TTN: variants seen among roughly 807,000 people sequenced by gnomAD.
The protein encoded by TTN is titin.
A neutral mutation model predicts 3,223.0 loss-of-function variants in TTN; 1,525 were observed. The observed-to-expected ratio is 0.47, with a 90% CI of 0.45 to 0.49. The LOEUF (loss-of-function observed/expected upper bound fraction) is 0.49, where lower values mean the gene tolerates loss of function less well. Ranked by LOEUF, TTN falls within the 20% of genes least tolerant of loss-of-function variation. The pLI, the probability that TTN is intolerant of heterozygous loss-of-function variation, is 0.00. For missense variants in TTN, 40,786 were observed against 43,424.0 expected, an observed-to-expected ratio of 0.94 and a Z score of 5.40; for synonymous variants, 14,094 against 15,161.0, an observed-to-expected ratio of 0.93 and a Z score of 5.17.
chr2:178,704,761 T>G lies in TTN; in HGVS notation c.29711A>C (p.Lys9904Thr). The G allele has an allele frequency of 6.2e-7, 1 of 1,609,974 alleles. No homozygotes were observed. Among genetic ancestry groups the G allele is most frequent in the Non-Finnish European group, 8.5e-7 (1 of 1,179,162 alleles). ...CAAAACTGTCTGATTTTCAATGTCC[T>G]TGATCAGAGTGACAGGCTAGGAGAA... ...LSQTEPVTLI[K>T]DIENQTVLKD... The change falls in exon 105 of 363, where the codon AAG becomes ACG. Residue 9904 changes from lysine (K) to threonine (T), a missense_variant. Lys to Thr is a moderately conservative substitution (Grantham distance 78). Coordinates refer to ENST00000589042, the MANE Select transcript of TTN (RefSeq NM_001267550.2).
rs1488357017 is a variant in TTN, at chr2:178,572,688, T to C, written c.73444A>G (p.Thr24482Ala). Reference sequence around the variant, plus strand: ...TTTACATTTCCAACAATAAGCAGGGTGTAAGAGCTTGTGGATTCGATGCTA... The same window carrying C: ...TTTACATTTCCAACAATAAGCAGGGCGTAAGAGCTTGTGGATTCGATGCTA... ...KASIESTSSYTLLIVGNVNRF... is the reference protein window; with the variant it reads ...KASIESTSSYALLIVGNVNRF... Residue 24482 changes from threonine to alanine, a missense_variant, in exon 326 of 363, where the codon ACC becomes GCC. Thr to Ala is a moderately conservative substitution (Grantham distance 58). Transcript: ENST00000589042. 6.2e-7 allele frequency: 1 copy of C among 1,613,402 alleles called. No homozygotes were observed. The highest frequency in any genetic ancestry group is 8.5e-7 in the Non-Finnish European group (1 of 1,179,562).
In TTN at chr2:178,719,209, T is replaced by C; in HGVS notation, c.24181A>G (p.Asn8061Asp). The C allele has an allele frequency of 6.2e-7, 1 of 1,613,720 alleles. No individual in the cohort carries two copies. Among genetic ancestry groups the C allele is most frequent in the Non-Finnish European group, 8.5e-7 (1 of 1,179,726 alleles). ...GAGCACTCATCGGAACCAGCTACAT[T>C]GGCAGCCACACACGTGTATATGCCT... is the stretch of plus-strand genomic sequence containing the variant. ...DTGIYTCVAA[N>D]VAGSDECSAV... Residue 8061 changes from asparagine (N) to aspartate (D), a missense_variant, in exon 83 of 363, where the codon AAT (asparagine) becomes GAT (aspartate). Asn to Asp is a conservative substitution (Grantham distance 23). Coordinates refer to ENST00000589042, the MANE Select transcript of TTN (RefSeq NM_001267550.2).
chr2:178,781,269 T>G lies in TTN; in HGVS notation c.3381-6A>C. 6.2e-7 allele frequency: 1 copy of G among 1,613,854 alleles called. No homozygotes were observed. The highest frequency in any genetic ancestry group is 8.5e-7 in the Non-Finnish European group (1 of 1,179,868). Reference sequence around the variant, plus strand: ...TGTTGTAACTCACTTTGTATCTTTATGTAAATGTACAAAATTTAAAAATCA... The same window carrying G: ...TGTTGTAACTCACTTTGTATCTTTAGGTAAATGTACAAAATTTAAAAATCA... On this transcript the variant is annotated splice_polypyrimidine_tract_variant and splice_region_variant and intron_variant, in intron 20 of 362. Coordinates refer to ENST00000589042, the MANE Select transcript of TTN (RefSeq NM_001267550.2).
chr2:178,534,215 C>T lies in TTN; in HGVS notation c.102400G>A (p.Glu34134Lys), dbSNP rs1690433095. 4 of 1,613,852 alleles carry T rather than the reference C, an allele frequency of 2.5e-6. No individual in the cohort carries two copies. The East Asian group carries it at 8.9e-5, about 36-fold the overall frequency. The stretch of plus-strand genomic sequence containing the variant: ...ATCTGCCCAGAAACTGGGCCAATTT[C>T]AATGGATGCCACTTTAACTTTAGCA... ...SVAKVKVASI[E>K]IGPVSGQIMH... Residue 34134 changes from glutamate (E) to lysine (K), a missense_variant, in exon 358 of 363, where the codon GAA becomes AAA. Glu to Lys is a moderately conservative substitution (Grantham distance 56). Coordinates refer to ENST00000589042, the MANE Select transcript of TTN (RefSeq NM_001267550.2).
At chr2:178,725,118 T>C (rs890178217) in intron 71 of TTN, 2 of 379,332 alleles carry the variant, frequency 5.3e-6, no homozygotes, top group African/African-American at 2.1e-5. Flanking sequence ...TCAAAGAGAG[T>C]CATGATTGTA....
Position 178,711,142 on chromosome 2 carries a change from C to T in TTN, c.28094G>A (p.Arg9365Gln), listed in dbSNP as rs570608843. ...GCAGGAATACTGGCCTGCAAGGCTC[C>T]GGTCAGTTTTAAAAATATTGAGTGT... ...TATLNIFKTDRSLAGQYSCTA... is the reference protein window; with the variant it reads ...TATLNIFKTDQSLAGQYSCTA... The change falls in exon 97 of 363, where the codon CGG (arginine) becomes CAG (glutamine). Residue 9365 changes from arginine (R) to glutamine (Q), a missense_variant. Coordinates refer to ENST00000589042, the MANE Select transcript of TTN (RefSeq NM_001267550.2). 116 of 1,613,760 alleles carry T rather than the reference C, an allele frequency of 7.2e-5. No homozygotes were observed. The highest frequency in any genetic ancestry group is 1.2e-4 in the Admixed American group (7 of 59,996).
chr2:178,790,868 G>T, intron 10 of TTN, 23 bp from the exon 11 acceptor site: 1 of 1,613,436 alleles, frequency 6.2e-7, no homozygotes, highest in Non-Finnish European at 8.5e-7. Flanking sequence ...GTAAAATAAA[G>T]ATTTGAGTTT....
intron 294 of TTN, 118 bp downstream of exon 294, chr2:178,597,420 T>C: frequency 8.4e-7 from 1 of 1,196,220 alleles, no homozygotes; most frequent in Non-Finnish European, 1.2e-6. Flanking sequence ...TCAACATGAT[T>C]ATGGGTGATT....
At chr2:178,642,785 T>A (rs2061410287) in intron 218 of TTN, among the ~76,000 whole-genome samples, 1 of 152,000 alleles carries the variant, frequency 6.6e-6, no homozygotes. Context: ...TTTGTGACTT[T>A]GATGCTGGGG....
rs1187950337 is a variant in TTN, at chr2:178,709,617, C to A, written c.28702G>T (p.Val9568Leu). 6.2e-7 allele frequency: 1 copy of A among 1,613,908 alleles called. No homozygotes were observed. The highest frequency in any genetic ancestry group is 8.5e-7 in the Non-Finnish European group (1 of 1,179,806). ...AGAGCAGAGCCTGCATCATTGGACA[C>A]TTTGCATGTGTACAAACCAGCGTCG... is the stretch of plus-strand genomic sequence containing the variant. ...MNDAGLYTCKVSNDAGSALCT... is the reference protein window; with the variant it reads ...MNDAGLYTCKLSNDAGSALCT... The change falls in exon 99 of 363, where the codon GTG (valine) becomes TTG (leucine). Residue 9568 changes from valine (V) to leucine (L), a missense_variant. Transcript: ENST00000589042.
Position 178,712,533 on chromosome 2 carries a change from A to T in TTN, c.27389T>A (p.Ile9130Asn), listed in dbSNP as rs1316381392. 2.7e-5 allele frequency: 44 copies of T among 1,613,486 alleles called. 1 individual carries two copies. Among genetic ancestry groups the T allele is most frequent in the Non-Finnish European group, 3.6e-5 (43 of 1,179,734 alleles). ...AGTTCCAGTGAATGTACCCTCTAGG[A>T]TCAGGGGTTTTCCTTTCTCTATGCT... ...DYSIEKGKPL[I>N]LEGTFTGTPP... Residue 9130 changes from isoleucine (I) to asparagine (N), a missense_variant, in exon 95 of 363, where the codon ATC becomes AAC. Coordinates refer to ENST00000589042, the MANE Select transcript of TTN (RefSeq NM_001267550.2).
At chr2:178,604,446 A>C (rs563916207) in intron 281 of TTN, 141 bp from the exon 282 acceptor site, 1 of 780,222 alleles carries the variant, frequency 1.3e-6, no homozygotes, top group South Asian at 3.3e-5. Flanking sequence ...AAGACAGAGA[A>C]AAGGAGAAAG....
rs753367347 is a variant in TTN at position 178,768,159 on chromosome 2, G to T, written c.9164-4C>A. 2 of 1,613,928 alleles carry T rather than the reference G, an allele frequency of 1.2e-6. No individual in the cohort carries two copies. The highest frequency in any genetic ancestry group is 1.7e-6 in the Non-Finnish European group (2 of 1,179,940). On this transcript the variant is annotated splice_polypyrimidine_tract_variant and splice_region_variant and intron_variant, in intron 38 of 362. Transcript: ENST00000589042. ...TTCCTAAATTCTATATGACGAGCTGGAAAATAGCATGTAGAAAAATTAACA... is the reference window on the plus strand; with the variant it reads ...TTCCTAAATTCTATATGACGAGCTGTAAAATAGCATGTAGAAAAATTAACA...
In TTN at chr2:178,800,599, CTCTCACTTGGAG is replaced by C; in HGVS notation, c.367_378del (p.Leu123_Arg126del). On this transcript the variant is annotated inframe_deletion, in exon 4 of 363. Coordinates refer to ENST00000589042, the MANE Select transcript of TTN (RefSeq NM_001267550.2). ...ACCACAGGTGTAGGGATTCCAGTCA[CTCTCACTTGGAG>C]TCTCACTTGGCTTCCTTGTCTCACG... The C allele has an allele frequency of 6.2e-7, 1 of 1,613,930 alleles. No individual in the cohort carries two copies. The highest frequency in any genetic ancestry group is 1.7e-5 in the Admixed American group (1 of 60,004).
At chr2:178,612,645 G>T in intron 265 of TTN, 69 bp from the exon 266 acceptor site, 1 of 1,547,646 alleles carries the variant, frequency 6.5e-7, no homozygotes, top group Admixed American at 2.2e-5. Flanking sequence ...TGAAAGTGCA[G>T]GCAGTCATTA....
rs531521230 is a variant in TTN at position 178,784,455 on chromosome 2, A to G, written c.2494-104T>C. ...TATTTTCTATAAGGTCTGTTCTTTA[A>G]TGTTCTCATTAGCACTCATTATCAC... is the stretch of plus-strand genomic sequence containing the variant. On this transcript the variant is annotated intron_variant, in intron 15 of 362. Coordinates refer to ENST00000589042, the MANE Select transcript of TTN (RefSeq NM_001267550.2). The G allele has an allele frequency of 9.3e-5, 130 of 1,395,406 alleles. No homozygotes were observed. The African/African-American group carries it at 1.6e-3, about 17-fold the overall frequency. The allele number at this position is 1,395,406 out of a possible 1,614,324, so 86.4% of individuals were successfully genotyped here.
chr2:178,568,407 T>C lies in TTN; in HGVS notation c.77725A>G (p.Thr25909Ala). 1 of 1,613,188 alleles carries C rather than the reference T, an allele frequency of 6.2e-7. No individual in the cohort carries two copies. Among genetic ancestry groups the C allele is most frequent in the Non-Finnish European group, 8.5e-7 (1 of 1,179,534 alleles). Residue 25909 changes from threonine to alanine, a missense_variant, in exon 326 of 363, where the codon ACA becomes GCA. By Grantham distance (58) the Thr-to-Ala change is moderately conservative (BLOSUM62 0). Coordinates refer to ENST00000589042, the MANE Select transcript of TTN (RefSeq NM_001267550.2). ...KFDDVSAESITLSWNPPLYTG... is the reference protein window; with the variant it reads ...KFDDVSAESIALSWNPPLYTG... The stretch of plus-strand genomic sequence containing the variant: ...TATAATGGAGGGTTCCAAGATAATG[T>C]AATACTTTCAGCACTGACGTCATCA...
chr2:178,742,575 A>G (rs2082687911), intron 47 of TTN, among the ~76,000 whole-genome samples: 1 of 152,166 alleles, frequency 6.6e-6, no homozygotes, highest in African/African-American at 2.4e-5. Flanking sequence ...CAAAAATAAG[A>G]GAAAACAACT....
chr2:178,618,649 C>T lies in TTN; in HGVS notation c.46901G>A (p.Arg15634Lys). 6.2e-7 allele frequency: 1 copy of T among 1,612,312 alleles called. No individual in the cohort carries two copies. ...ILEAKKGDKG[R>K]YKIVLQNKHG... Reference sequence around the variant, plus strand: ...TTTGTTCTGAAGCACAATTTTATACCTCCCTTTGTCTCCTTTCTTGGCTTC... The same window carrying T: ...TTTGTTCTGAAGCACAATTTTATACTTCCCTTTGTCTCCTTTCTTGGCTTC... The change falls in exon 251 of 363, where the codon AGG becomes AAG. Residue 15634 changes from arginine (R) to lysine (K), a missense_variant. Transcript: ENST00000589042.
Sources: allele counts gnomAD v4.1 joint callset (sites outside exome capture counted in the v4.1 genomes callset), GRCh38; gene constraint gnomAD v4.1.1; transcripts MANE v1.5; gene names NCBI Gene and HGNC (gene_info 2026-07-23, HGNC 2026-07-21).